Variants in DPYD observed in about 807,000 individuals in gnomAD.
DPYD encodes the protein dihydropyrimidine dehydrogenase [NADP(+)].
DPYD carries 109 observed loss-of-function variants against 116.2 expected under a neutral mutation model. The observed-to-expected ratio is 0.94, with a 90% CI of 0.80 to 1.10. DPYD has a LOEUF of 1.10. Ranked by LOEUF, DPYD falls within the 50% of genes least tolerant of loss-of-function variation. DPYD has a pLI of 0.00. For synonymous variants in DPYD, 440 were observed against 432.0 expected, an observed-to-expected ratio of 1.02 and a Z score of -0.23; for missense variants, 1,302 against 1,254.5, an observed-to-expected ratio of 1.04 and a Z score of -0.57.
chr1:97,872,435 G>T (rs1487210783), intron 2 of DPYD, among the ~76,000 whole-genome samples: 2 of 151,942 alleles, frequency 1.3e-5, no homozygotes, highest in African/African-American at 4.8e-5. Context: ...TAATTTGTGT[G>T]TCACATGGAT....
At chr1:97,169,966 G>A (rs1656604173) in intron 20 of DPYD, among the ~76,000 whole-genome samples, 1 of 152,064 alleles carries the variant, frequency 6.6e-6, no homozygotes, top group Non-Finnish European at 1.5e-5. Flanking sequence ...AAATAACTAA[G>A]GAATAGATAA....
At chr1:97,870,511 G>A (rs562836655) in intron 2 of DPYD, among the ~76,000 whole-genome samples, 6 of 151,592 alleles carry the variant, frequency 4.0e-5, no homozygotes, top group Admixed American at 6.6e-5. Flanking sequence ...GCAGGAAGGC[G>A]TTTCTCATGC....
intron 18 of DPYD, among the ~76,000 whole-genome samples, chr1:97,258,537 T>C (rs979978388): frequency 6.6e-6 from 1 of 152,096 alleles, no homozygotes; most frequent in Non-Finnish European, 1.5e-5. Flanking sequence ...TCATATTTCC[T>C]CCTCCCTGAT....
chr1:97,633,375 C>A (rs72732396), intron 8 of DPYD, among the ~76,000 whole-genome samples: 18,814 of 151,946 alleles, frequency 0.12, 1,302 homozygotes, highest in Middle Eastern at 0.17. Flanking sequence ...AAAGCCTGGG[C>A]CTAGGGTAGT....
intron 18 of DPYD, among the ~76,000 whole-genome samples, chr1:97,246,065 C>T (rs1476802003): frequency 6.6e-6 from 1 of 152,114 alleles, no homozygotes; most frequent in African/African-American, 2.4e-5. Flanking sequence ...AAGGACATCT[C>T]TACCTGGGCC....
chr1:97,254,230 T>G (rs1376387222), intron 18 of DPYD, among the ~76,000 whole-genome samples: 1 of 152,192 alleles, frequency 6.6e-6, no homozygotes, highest in African/African-American at 2.4e-5. Context: ...AAGTTGATAT[T>G]TGTATGTACC....
At chr1:97,599,987 G>C (rs1003350437) in intron 8 of DPYD, among the ~76,000 whole-genome samples, 3 of 151,526 alleles carry the variant, frequency 2.0e-5, no homozygotes, top group Non-Finnish European at 4.4e-5. Flanking sequence ...AGAGGTTGCA[G>C]TGAGCTGAGA....
At chr1:97,373,713 T>G in intron 15 of DPYD, 69 bp from the exon 16 acceptor site, 1 of 1,344,824 alleles carries the variant, frequency 7.4e-7, no homozygotes, top group Non-Finnish European at 1.1e-6. Flanking sequence ...CTTTCACCGT[T>G]GATAACACAA....
At chr1:97,216,419 T>C (rs1480828815) in intron 19 of DPYD, among the ~76,000 whole-genome samples, 1 of 152,174 alleles carries the variant, frequency 6.6e-6, no homozygotes, top group Non-Finnish European at 1.5e-5. Context: ...TTGGAGAACA[T>C]TGATGACGTG....
intron 13 of DPYD, among the ~76,000 whole-genome samples, chr1:97,481,300 C>T (rs1678295016): frequency 6.6e-6 from 1 of 151,982 alleles, no homozygotes; most frequent in South Asian, 2.1e-4. Flanking sequence ...ACATCCAGTG[C>T]TAGAGATCGG....
At chr1:97,442,272 T>A (rs72729922) in intron 14 of DPYD, among the ~76,000 whole-genome samples, 205 of 151,762 alleles carry the variant, frequency 1.4e-3, no homozygotes, top group Non-Finnish European at 2.3e-3. Context: ...TGCCTGATGT[T>A]CCAGGTCTTA....
chr1:97,878,404 T>C (rs1048715690), intron 2 of DPYD, among the ~76,000 whole-genome samples: 2 of 152,068 alleles, frequency 1.3e-5, no homozygotes, highest in Admixed American at 1.3e-4. Context: ...TATTTACATA[T>C]ATCCTGATGA....
At chr1:97,431,280 A>T (rs958053048) in intron 14 of DPYD, among the ~76,000 whole-genome samples, 1 of 152,130 alleles carries the variant, frequency 6.6e-6, no homozygotes, top group African/African-American at 2.4e-5. Flanking sequence ...AAGAAAAAAA[A>T]TGAACAATTT....
At chr1:97,836,960 A>C (rs1207788575) in intron 2 of DPYD, among the ~76,000 whole-genome samples, 1 of 152,154 alleles carries the variant, frequency 6.6e-6, no homozygotes, top group Non-Finnish European at 1.5e-5. Flanking sequence ...CTTTAAAAGC[A>C]CATGTGTGCA....
At chr1:97,853,105 G>A (rs922031796) in intron 2 of DPYD, among the ~76,000 whole-genome samples, 1 of 152,118 alleles carries the variant, frequency 6.6e-6, no homozygotes, top group African/African-American at 2.4e-5. Flanking sequence ...TTTTACTGTA[G>A]CATTCTGTAG....
intron 5 of DPYD, among the ~76,000 whole-genome samples, chr1:97,714,609 A>G (rs1662498968): frequency 6.6e-6 from 1 of 151,334 alleles, no homozygotes; most frequent in Admixed American, 6.6e-5. Flanking sequence ...GAAGCCCCAT[A>G]AAACTTAAGA....
intron 20 of DPYD, among the ~76,000 whole-genome samples, chr1:97,121,619 G>A (rs1315976426): frequency 6.6e-6 from 1 of 152,084 alleles, no homozygotes; most frequent in Non-Finnish European, 1.5e-5. Context: ...CAACTCTGTT[G>A]GAAAGAAAAC....
chr1:97,919,587 A>AT (rs1169445507), intron 1 of DPYD, among the ~76,000 whole-genome samples: 1 of 152,196 alleles, frequency 6.6e-6, no homozygotes, highest in African/African-American at 2.4e-5. Flanking sequence ...AGTAAATAAA[A>AT]TTTTTTAAAA....
chr1:97,488,609 A>C (rs1034187625), intron 13 of DPYD, among the ~76,000 whole-genome samples: 1 of 152,198 alleles, frequency 6.6e-6, no homozygotes, highest in Non-Finnish European at 1.5e-5. Context: ...GGTAGGAGGC[A>C]GGACTCAACT....
Sources: gnomAD v4.1 joint callset for allele counts (sites outside exome capture counted in the v4.1 genomes callset) on GRCh38, gnomAD v4.1.1 for gene constraint, MANE v1.5 for transcripts, NCBI Gene and HGNC (gene_info 2026-07-23, HGNC 2026-07-21) for gene names.